RGS5: variants seen among roughly 807,000 people sequenced by gnomAD.
The protein encoded by RGS5 is regulator of G protein signaling 5, also known as regulator of G-protein signalling 5.
Under a neutral mutation model 18.9 loss-of-function variants are expected in RGS5, and 20 were observed. The observed-to-expected ratio is 1.06, with a 90% CI of 0.74 to 1.54. RGS5 has a LOEUF of 1.54. Among genes scored for constraint, RGS5 ranks in the 40% most tolerant of loss-of-function variants. The pLI is 0.00. For synonymous variants in RGS5, 57 were observed against 76.2 expected (o/e 0.75, Z 1.31); for missense variants, 201 against 211.8 (o/e 0.95, Z 0.32).
intron 2 of RGS5, among the ~76,000 whole-genome samples, chr1:163,227,030 A>G (rs1254972153): frequency 6.6e-6 from 1 of 152,240 alleles, no homozygotes. Context: ...ATGGCCCAAG[A>G]TATCACCATC....
intron 1 of RGS5, among the ~76,000 whole-genome samples, chr1:163,215,998 A>G (rs936658212): frequency 2.6e-5 from 4 of 152,214 alleles, no homozygotes; most frequent in Non-Finnish European, 5.9e-5. Flanking sequence ...AAAGTTTGCC[A>G]GAGTCAGGCA....
At chr1:163,311,805 G>T (rs1649871240) in intron 1 of RGS5, among the ~76,000 whole-genome samples, 1 of 152,136 alleles carries the variant, frequency 6.6e-6, no homozygotes, top group Non-Finnish European at 1.5e-5. Flanking sequence ...AATATTGAGA[G>T]AATTACCAAA....
intron 1 of RGS5, among the ~76,000 whole-genome samples, chr1:163,181,983 G>A (rs535584589): frequency 4.6e-5 from 7 of 152,008 alleles, no homozygotes; most frequent in Non-Finnish European, 8.8e-5. Flanking sequence ...GATATGTTGC[G>A]ATGCTAAATA....
Position 163,188,838 on chromosome 1 carries a change from A to C in RGS5, c.44+13954T>G, listed in dbSNP as rs372718489. On this transcript the variant is annotated intron_variant, in intron 1 of 4. Coordinates refer to ENST00000313961, the MANE Select transcript of RGS5 (RefSeq NM_003617.4). The stretch of plus-strand genomic sequence containing the variant: ...CGTGGTGACACGAGCCTGTAGTCCC[A>C]GTTAGTTGGGAGGCTGTGGCAGGAG... Among the ~76,000 whole-genome samples, 100 of 150,848 alleles carry C rather than the reference A, an allele frequency of 6.6e-4. 2 individuals carry two copies. Among genetic ancestry groups the C allele is most frequent in the African/African-American group, 2.0e-3 (84 of 41,162 alleles).
In RGS5 at chr1:163,152,546, C is replaced by G. The variant is rs774544395; in HGVS notation, c.384+4G>C. On this transcript the variant is annotated splice_donor_region_variant and intron_variant, in intron 4 of 4. Coordinates refer to ENST00000313961, the MANE Select transcript of RGS5 (RefSeq NM_003617.4). ...TTAACTGACCCACCTACCCAGAGAC[C>G]AACCTCTTTAGGAGCCTCCGTTTGA... 3.1e-6 allele frequency: 5 copies of G among 1,607,666 alleles called. No homozygotes were observed. The East Asian group carries it at 6.7e-5, about 22-fold the overall frequency.
At chr1:163,272,920 T>C (rs1052893375) in intron 2 of RGS5, among the ~76,000 whole-genome samples, 18 of 152,120 alleles carry the variant, frequency 1.2e-4, no homozygotes, top group African/African-American at 4.1e-4. Flanking sequence ...TGGCTCACAC[T>C]CGTGGTTTTG....
At chr1:163,205,345 TA>T (rs35747068), upstream of RGS5, among the ~76,000 whole-genome samples, 13,237 of 72,692 alleles carry the variant, frequency 0.18, 606 homozygotes, top group Non-Finnish European at 0.21. Flanking sequence ...TTAACCACAG[TA>T]AAAAAAAAAA....
At chr1:163,298,426 T>C (rs184605200) in intron 2 of RGS5, among the ~76,000 whole-genome samples, 3 of 152,078 alleles carry the variant, frequency 2.0e-5, no homozygotes, top group Non-Finnish European at 4.4e-5. Flanking sequence ...AGTAGAGGAC[T>C]TGAAGAGGGG....
At chr1:163,228,963 A>G (rs756025594) in intron 2 of RGS5, among the ~76,000 whole-genome samples, 1 of 152,168 alleles carries the variant, frequency 6.6e-6, no homozygotes, top group Non-Finnish European at 1.5e-5. Flanking sequence ...GGCCAAAACC[A>G]TTCAACAAGT....
chr1:163,160,383 T>C (rs1657754196), intron 3 of RGS5, among the ~76,000 whole-genome samples: 1 of 152,152 alleles, frequency 6.6e-6, no homozygotes, highest in Non-Finnish European at 1.5e-5. Context: ...TTAATAAACA[T>C]AAATATTATT....
intron 4 of RGS5, among the ~76,000 whole-genome samples, chr1:163,151,117 G>T (rs1352524360): frequency 6.6e-6 from 1 of 152,068 alleles, no homozygotes; most frequent in African/African-American, 2.4e-5. Flanking sequence ...CTTTCAATGT[G>T]GTTTTATAAA....
intron 2 of RGS5, among the ~76,000 whole-genome samples, chr1:163,236,757 T>TC (rs968116951): frequency 1.1e-4 from 16 of 151,988 alleles, no homozygotes; most frequent in Admixed American, 9.8e-4. Flanking sequence ...GGTCAAGAGA[T>TC]CGAGACCATC....
At chr1:163,254,536 T>G (rs1648216670) in intron 2 of RGS5, among the ~76,000 whole-genome samples, 1 of 152,126 alleles carries the variant, frequency 6.6e-6, no homozygotes, top group Non-Finnish European at 1.5e-5. Flanking sequence ...CATTGTAGAT[T>G]CTGGATATTA....
At chr1:163,147,559 G>A in intron 4 of RGS5, 56 bp from the exon 5 acceptor site, 2 of 1,406,672 alleles carry the variant, frequency 1.4e-6, no homozygotes, top group South Asian at 1.7e-5. Context: ...ATTTGATGAG[G>A]GGTGAAGAGG....
intron 1 of RGS5, among the ~76,000 whole-genome samples, chr1:163,170,205 A>C (rs1668785193): frequency 6.6e-6 from 1 of 152,214 alleles, no homozygotes; most frequent in South Asian, 2.1e-4. Flanking sequence ...ATCATATTGC[A>C]TTATGGTCAT....
At chr1:163,265,983 T>G (rs1648563950) in intron 2 of RGS5, among the ~76,000 whole-genome samples, 1 of 152,162 alleles carries the variant, frequency 6.6e-6, no homozygotes, top group Non-Finnish European at 1.5e-5. Context: ...ACTTTCAGCC[T>G]ATACTTGTCC....
chr1:163,301,625 G>A (rs954466200), intron 2 of RGS5, among the ~76,000 whole-genome samples: 3 of 152,028 alleles, frequency 2.0e-5, no homozygotes, highest in South Asian at 2.1e-4. Context: ...GAGACACCAC[G>A]CCAGGCCCAG....
chr1:163,174,491 G>A (rs1368610923), intron 1 of RGS5, among the ~76,000 whole-genome samples: 1 of 152,200 alleles, frequency 6.6e-6, no homozygotes, highest in Non-Finnish European at 1.5e-5. Context: ...TTGGAGTGCA[G>A]CTTAGAATGA....
At chr1:163,182,486 C>T (rs1035027707) in intron 1 of RGS5, among the ~76,000 whole-genome samples, 72 of 152,236 alleles carry the variant, frequency 4.7e-4, no homozygotes, top group African/African-American at 1.7e-3. Context: ...GAGATATTTC[C>T]CATGCTTTTC....
Sources: allele counts gnomAD v4.1 joint callset (sites outside exome capture counted in the v4.1 genomes callset), GRCh38; gene constraint gnomAD v4.1.1; transcripts MANE v1.5; gene names NCBI Gene and HGNC (gene_info 2026-07-23, HGNC 2026-07-21).